The following AFF2 variants were observed in gnomAD, a reference collection of about 807,000 sequenced individuals.
AFF2 encodes AF4/FMR2 family member 2.
Under a neutral mutation model 76.9 loss-of-function variants are expected in AFF2, and 14 were observed. The observed-to-expected ratio is 0.18, with a 90% CI of 0.12 to 0.28. The LOEUF (loss-of-function observed/expected upper bound fraction) is 0.28, where lower values mean the gene tolerates loss of function less well. AFF2 is among the 10% of genes least tolerant of loss of function. The pLI is 1.00. For missense variants in AFF2, 868 were observed against 1,001.1 expected, an observed-to-expected ratio of 0.87 and a Z score of 1.79; for synonymous variants, 398 against 366.7, an observed-to-expected ratio of 1.09 and a Z score of -0.98.
chrX:148,670,021 T>A (rs1569552884), intron 3 of AFF2, among the ~76,000 whole-genome samples: 1 of 111,863 alleles, frequency 8.9e-6, no homozygotes, highest in Non-Finnish European at 1.9e-5. Context: ...TCCAACTCAC[T>A]GGTCTCATTG....
At chrX:148,621,521 C>G (rs1185788151) in intron 1 of AFF2, among the ~76,000 whole-genome samples, 3 of 111,187 alleles carry the variant, frequency 2.7e-5, no homozygotes, top group Non-Finnish European at 5.7e-5. Context: ...TTTATAGAAA[C>G]AGTAAGTCTG....
chrX:148,672,433 C>A (rs1476482196), intron 3 of AFF2, among the ~76,000 whole-genome samples: 1 of 112,054 alleles, frequency 8.9e-6, no homozygotes, highest in Admixed American at 9.5e-5. Flanking sequence ...AGGCACACAG[C>A]CAGCAAATGG....
rs150297917 is a variant in AFF2 at position 148,923,327 on chromosome X, G to A, written c.1397+19069G>A. 9.4e-3 allele frequency among the ~76,000 whole-genome samples: 1,057 copies of A among 111,874 alleles called. 16 individuals are homozygous for A. The highest frequency in any genetic ancestry group is 0.033 in the African/African-American group (1,007 of 30,809). On this transcript the variant is annotated intron_variant, in intron 9 of 20. Transcript: ENST00000370460. ...GATTATACTTTGATACAGTTAGGTT[G>A]CGTTTATCAGACTTTGTAGATTTGG...
intron 8 of AFF2, among the ~76,000 whole-genome samples, chrX:148,888,185 A>G (rs998141690): frequency 1.2e-4 from 13 of 108,383 alleles, no homozygotes; most frequent in Middle Eastern, 4.7e-3. Flanking sequence ...GTTCCTCCCC[A>G]TTTCCCCCTC....
At chrX:148,651,021 T>C (rs1275476785) in intron 1 of AFF2, among the ~76,000 whole-genome samples, 2 of 112,236 alleles carry the variant, frequency 1.8e-5, no homozygotes, top group Non-Finnish European at 3.8e-5. Flanking sequence ...ATACTCACTT[T>C]GGGTAAGGTT....
chrX:148,606,216 A>C (rs2053671147), intron 1 of AFF2, among the ~76,000 whole-genome samples: 1 of 112,150 alleles, frequency 8.9e-6, no homozygotes, highest in Non-Finnish European at 1.9e-5. Flanking sequence ...AAAGATGAAG[A>C]AAGATGAGGA....
At chrX:148,813,145 T>C (rs1056186193) in intron 4 of AFF2, among the ~76,000 whole-genome samples, 1 of 112,420 alleles carries the variant, frequency 8.9e-6, no homozygotes, top group Non-Finnish European at 1.9e-5. Flanking sequence ...TATTATTTCA[T>C]GAAATCGAAG....
Position 148,718,022 on chromosome X carries a change from G to GTTT in AFF2, c.1041+55266_1041+55268dup, listed in dbSNP as rs3067311. ...TTCCTTTACATGATATTTCCCCTTAGTTTTTTTTTTTTTTAACATAGAATG... is the reference window on the plus strand; with the variant it reads ...TTCCTTTACATGATATTTCCCCTTAGTTTTTTTTTTTTTTTTTAACATAGAATG... On this transcript the variant is annotated intron_variant, in intron 3 of 20. Coordinates refer to ENST00000370460, the MANE Select transcript of AFF2 (RefSeq NM_002025.4). 4.4e-3 allele frequency among the ~76,000 whole-genome samples: 445 copies of GTTT among 100,307 alleles called. 4 individuals carry two copies. The highest frequency in any genetic ancestry group is 0.015 in the Middle Eastern group (3 of 195). 87.1% of individuals were successfully genotyped at this position (100,307 alleles called of 115,157 possible). A position where few individuals can be genotyped will look rare whatever the true frequency, so the allele number is the denominator to read the frequency against.
chrX:148,761,473 T>G (rs782370219), intron 3 of AFF2, among the ~76,000 whole-genome samples: 303 of 108,821 alleles, frequency 2.8e-3, no homozygotes, highest in Non-Finnish European at 4.7e-3. Context: ...TTTTGTTTTT[T>G]TTTTTTTTTC....
intron 9 of AFF2, among the ~76,000 whole-genome samples, chrX:148,911,426 A>C: frequency 9.0e-6 from 1 of 111,652 alleles, no homozygotes; most frequent in Non-Finnish European, 1.9e-5. Flanking sequence ...ATTCTGAATA[A>C]GGCAGTGGAA....
chrX:148,941,203 A>C (rs1444633057), intron 9 of AFF2, among the ~76,000 whole-genome samples: 1 of 111,561 alleles, frequency 9.0e-6, no homozygotes, highest in Admixed American at 9.5e-5. Context: ...CCCATTTATC[A>C]TGAGAAGGGA....
At chrX:148,741,145 C>G (rs971214067) in intron 3 of AFF2, among the ~76,000 whole-genome samples, 1 of 111,621 alleles carries the variant, frequency 9.0e-6, no homozygotes, top group Non-Finnish European at 1.9e-5. Flanking sequence ...GGGGTGGTGC[C>G]TTACAGAAAG....
chrX:148,510,878 C>A (rs1557233045), intron 1 of AFF2, among the ~76,000 whole-genome samples: 1 of 111,797 alleles, frequency 8.9e-6, no homozygotes, highest in Non-Finnish European at 1.9e-5. Flanking sequence ...CTGCTTAATA[C>A]TTTGTGTGAT....
intron 1 of AFF2, among the ~76,000 whole-genome samples, chrX:148,530,363 A>G (rs1461358134): frequency 8.9e-6 from 1 of 112,028 alleles, no homozygotes; most frequent in Non-Finnish European, 1.9e-5. Flanking sequence ...CAGTGTCACT[A>G]CTATTTAAAA....
chrX:148,621,901 A>G (rs1002320878), intron 1 of AFF2, among the ~76,000 whole-genome samples: 1 of 112,055 alleles, frequency 8.9e-6, no homozygotes, highest in Non-Finnish European at 1.9e-5. Context: ...TGTCCTATTT[A>G]CTTTAGTCTA....
intron 1 of AFF2, among the ~76,000 whole-genome samples, chrX:148,615,022 A>G (rs2053783506): frequency 1.8e-5 from 2 of 110,176 alleles, no homozygotes; most frequent in Admixed American, 9.8e-5. Flanking sequence ...CCCAAAGTGA[A>G]CGTAAATTTC....
intron 8 of AFF2, among the ~76,000 whole-genome samples, chrX:148,902,504 G>C (rs2071365195): frequency 8.9e-6 from 1 of 112,079 alleles, no homozygotes; most frequent in Admixed American, 9.4e-5. Context: ...GAGTGTGCAT[G>C]TATGTACAGA....
chrX:148,828,030 G>GAA (rs141724783), intron 4 of AFF2, among the ~76,000 whole-genome samples: 51 of 104,677 alleles, frequency 4.9e-4, no homozygotes, highest in South Asian at 8.4e-4. Context: ...ACTGTGAAAG[G>GAA]AAAAAAAAAA....
chrX:148,752,150 A>G (rs2055509403), intron 3 of AFF2, among the ~76,000 whole-genome samples: 1 of 111,630 alleles, frequency 9.0e-6, no homozygotes, highest in South Asian at 3.8e-4. Flanking sequence ...GGATTTCAAC[A>G]TATGAATTTG....
Sources: gnomAD v4.1 joint callset for allele counts (sites outside exome capture counted in the v4.1 genomes callset) on GRCh38, gnomAD v4.1.1 for gene constraint, MANE v1.5 for transcripts, NCBI Gene and HGNC (gene_info 2026-07-23, HGNC 2026-07-21) for gene names.